Variants in SIGLEC12 observed in about 807,000 individuals in gnomAD.
The protein encoded by SIGLEC12 is sialic acid-binding Ig-like lectin 12.
Under a neutral mutation model 54.1 loss-of-function variants are expected in SIGLEC12, and 43 were observed. The ratio of observed to expected loss-of-function variants is 0.80; its 90% CI spans 0.62 to 1.03. The LOEUF (loss-of-function observed/expected upper bound fraction) is 1.03. SIGLEC12 is among the 50% of genes least tolerant of loss of function. The probability of loss-of-function intolerance (pLI) is 0.00; values close to 1 mark genes in which losing one functional copy is unlikely to be tolerated. For missense variants in SIGLEC12, 802 were observed against 735.2 expected (o/e 1.09, Z -1.05); for synonymous variants, 357 against 307.6 (o/e 1.16, Z -1.68).
chr19:51,499,603 T>A lies in SIGLEC12; in HGVS notation c.922A>T (p.Thr308Ser). The stretch of plus-strand genomic sequence containing the variant: ...GAGGACACGGAGGCCCCCATCCAGG[T>A]GATCGTGGGGGGCGTCCCCTGTTCA... ...ACEQGTPPTI[T>S]WMGASVSSLD... The change falls in exon 3 of 8, where the codon ACC becomes TCC. Residue 308 changes from threonine to serine, a missense_variant. By Grantham distance (58) the Thr-to-Ser change is moderately conservative. Coordinates refer to ENST00000291707, the MANE Select transcript of SIGLEC12 (RefSeq NM_053003.4). 2.5e-6 allele frequency: 4 copies of A among 1,612,928 alleles called. No individual in the cohort carries two copies. The South Asian group carries it at 3.3e-5, about 13-fold the overall frequency.
Position 51,497,118 on chromosome 19 carries a change from A to G in SIGLEC12, c.1503-142T>C, listed in dbSNP as rs556188003. The G allele has an allele frequency of 3.3e-4, 452 of 1,364,986 alleles. 2 individuals carry two copies. The African/African-American group carries it at 3.6e-3, about 11-fold the overall frequency. The allele number at this position is 1,364,986 out of a possible 1,614,324, so 84.6% of individuals were successfully genotyped here. A position where few individuals can be genotyped will look rare whatever the true frequency, so the allele number is the denominator to read the frequency against. Reference sequence around the variant, plus strand: ...GAGTGGTCCCATTCCAGAGACCCCAATGTCGAAAACAGAGGCTCTTTTTTC... The same window carrying G: ...GAGTGGTCCCATTCCAGAGACCCCAGTGTCGAAAACAGAGGCTCTTTTTTC... On this transcript the variant is annotated intron_variant, in intron 6 of 7. Coordinates refer to ENST00000291707, the MANE Select transcript of SIGLEC12 (RefSeq NM_053003.4).
chr19:51,492,747 C>T (rs1031270720), intron 7 of SIGLEC12, among the ~76,000 whole-genome samples: 1 of 152,164 alleles, frequency 6.6e-6, no homozygotes, highest in Non-Finnish European at 1.5e-5. Context: ...CCTCTAGAAG[C>T]TGGAAAAGGT....
intron 7 of SIGLEC12, 34 bp downstream of exon 7, chr19:51,496,846 A>T (rs1436357489): frequency 6.2e-7 from 1 of 1,608,324 alleles, no homozygotes; most frequent in South Asian, 1.1e-5. Flanking sequence ...GGGAGAAAGC[A>T]GGGGAGAAGG....
At chr19:51,492,306 C>G (rs781406758) in intron 7 of SIGLEC12, among the ~76,000 whole-genome samples, 2 of 152,094 alleles carry the variant, frequency 1.3e-5, no homozygotes, top group Non-Finnish European at 2.9e-5. Context: ...GACTGCCAAA[C>G]AAATGAATAT....
At chr19:51,497,213 A>C (rs1386502798) in intron 6 of SIGLEC12, 136 bp downstream of exon 6, 1 of 912,368 alleles carries the variant, frequency 1.1e-6, no homozygotes, top group African/African-American at 1.7e-5. Flanking sequence ...TGAAATTCTT[A>C]CCATGCACCC....
At position 51,495,365 on chromosome 19, in the gene SIGLEC12, GTGGA is replaced by G. The variant is rs1320189994; in HGVS notation, c.1599+1511_1599+1514del. Reference sequence around the variant, plus strand: ...GATGGATGGATGGACAGACGGGTGGGTGGATGGATGGATGGATGGATGGATGGAT... The same window carrying G: ...GATGGATGGATGGACAGACGGGTGGGTGGATGGATGGATGGATGGATGGAT... On this transcript the variant is annotated intron_variant, in intron 7 of 7. Transcript: ENST00000291707. Among the ~76,000 whole-genome samples the G allele has an allele frequency of 6.3e-3, 379 of 60,176 alleles. 6 individuals are homozygous for G. Among genetic ancestry groups the G allele is most frequent in the African/African-American group, 0.013 (223 of 16,552 alleles). The allele number at this position is 60,176 out of a possible 152,430, so 39.5% of individuals were successfully genotyped here.
intron 4 of SIGLEC12, among the ~76,000 whole-genome samples, chr19:51,498,545 A>G (rs1031039081): frequency 6.6e-6 from 1 of 152,236 alleles, no homozygotes. Flanking sequence ...ACACTTAGAT[A>G]TTCCTTGTGG....
chr19:51,495,261 GTGGATGGATGGA>G (rs535638938), intron 7 of SIGLEC12, among the ~76,000 whole-genome samples: 26 of 79,164 alleles, frequency 3.3e-4, no homozygotes, highest in Middle Eastern at 0.011. Context: ...GGGTGGGTGG[GTGGATGGATGGA>G]TGGATGGATG....
chr19:51,499,874 G>A (rs773112601), intron 2 of SIGLEC12, 46 bp downstream of exon 2: 1 of 1,569,280 alleles, frequency 6.4e-7, no homozygotes. Flanking sequence ...CTACCCTGCG[G>A]CCCTCGGGCC....
chr19:51,500,912 G>A (rs1413762166), intron 1 of SIGLEC12, among the ~76,000 whole-genome samples: 1 of 152,112 alleles, frequency 6.6e-6, no homozygotes, highest in African/African-American at 2.4e-5. Context: ...TAACCCCCCA[G>A]GACGTTTGAC....
chr19:51,500,278 T>A lies in SIGLEC12; in HGVS notation c.450A>T (p.Arg150Ser). 1.2e-6 allele frequency: 2 copies of A among 1,614,144 alleles called. No homozygotes were observed. Among genetic ancestry groups the A allele is most frequent in the Non-Finnish European group, 1.7e-6 (2 of 1,180,014 alleles). ...NVTASQDLLS[R>S]YRLEVPESVT... ...CCGACTCTGGCACCTCCAGCCTGTA[T>A]CTTGACAGTAGGTCCTGGGACGCTG... Residue 150 changes from arginine to serine, a missense_variant, in exon 2 of 8, where the codon AGA (arginine) becomes AGT (serine). Transcript: ENST00000291707.
chr19:51,497,122 C>T (rs1210227177), intron 6 of SIGLEC12, 146 bp from the exon 7 acceptor site: 10 of 1,333,894 alleles, frequency 7.5e-6, no homozygotes, highest in African/African-American at 1.5e-5. Context: ...ACCCCAATGT[C>T]GAAAACAGAG....
Position 51,491,342 on chromosome 19 carries a change from A to G in SIGLEC12, c.*299T>C. On this transcript the variant is annotated 3_prime_UTR_variant, in exon 8 of 8. Coordinates refer to ENST00000291707, the MANE Select transcript of SIGLEC12 (RefSeq NM_053003.4). ...AACATTATGTTGAGTGAAATAAGCC[A>G]GGTACAGAGAGACAAACACTCTACG... The G allele has an allele frequency of 3.0e-6, 1 of 334,928 alleles. No homozygotes were observed. The highest frequency in any genetic ancestry group is 6.6e-5 in the East Asian group (1 of 15,120). The allele number at this position is 334,928 out of a possible 1,614,324, so 20.7% of individuals were successfully genotyped here.
intron 7 of SIGLEC12, among the ~76,000 whole-genome samples, chr19:51,496,556 C>A (rs908537213): frequency 6.6e-6 from 1 of 152,102 alleles, no homozygotes; most frequent in Non-Finnish European, 1.5e-5. Flanking sequence ...CTCTGCTGAG[C>A]CAAATGGAAC....
chr19:51,499,343 G>T (rs1354750348), intron 3 of SIGLEC12, 95 bp downstream of exon 3: 3 of 1,563,268 alleles, frequency 1.9e-6, no homozygotes, highest in South Asian at 1.2e-5. Flanking sequence ...TCCCAGCCAA[G>T]ATTCCAGGAC....
At chr19:51,496,482 T>C (rs1347879769) in intron 7 of SIGLEC12, among the ~76,000 whole-genome samples, 14 of 151,890 alleles carry the variant, frequency 9.2e-5, no homozygotes, top group Admixed American at 9.2e-4. Flanking sequence ...AATAAATAAA[T>C]AAAAATAAAA....
chr19:51,499,265 A>G, intron 3 of SIGLEC12, 48 bp from the exon 4 acceptor site: 1 of 1,605,368 alleles, frequency 6.2e-7, no homozygotes, highest in Middle Eastern at 1.7e-4. Context: ...GACTGGGGAC[A>G]CTGACCCTGT....
chr19:51,499,012 T>G (rs1990316412), intron 4 of SIGLEC12, among the ~76,000 whole-genome samples, 158 bp downstream of exon 4: 6 of 148,072 alleles, frequency 4.1e-5, no homozygotes, highest in African/African-American at 1.3e-4. Flanking sequence ...AGTGAAGGGG[T>G]GATGAGAAGG....
chr19:51,498,155 G>C lies in SIGLEC12; in HGVS notation c.1268C>G (p.Ser423Ter). The part of the protein sequence containing the change: ...WTWGSLTLSP[S>*]QSSNLGVLEL... ...CAGCACCCCAAGGTTCGAGGACTGT[G>C]AGGGGCTCAGGGTCAGGCTCCCCCA... is the stretch of plus-strand genomic sequence containing the variant. Residue 423 changes from serine to a stop codon, truncating the protein, a stop_gained, in exon 5 of 8, where the codon TCA becomes TGA. Transcript: ENST00000291707. LOFTEE classifies it high-confidence loss of function. 6.2e-7 allele frequency: 1 copy of C among 1,614,256 alleles called. No homozygotes were observed. The highest frequency in any genetic ancestry group is 8.5e-7 in the Non-Finnish European group (1 of 1,180,054).
Sources: gnomAD v4.1 joint callset for allele counts (sites outside exome capture counted in the v4.1 genomes callset) on GRCh38, gnomAD v4.1.1 for gene constraint, MANE v1.5 for transcripts, NCBI Gene and HGNC (gene_info 2026-07-23, HGNC 2026-07-21) for gene names.